GAGE1: variants seen among roughly 807,000 people sequenced by gnomAD.
GAGE1 encodes the protein G antigen 1.
GAGE1 carries 5 observed loss-of-function variants against 5.0 expected under a neutral mutation model. That is an observed-to-expected ratio of 1.00 (90% CI 0.52 to 2.11). GAGE1 has a LOEUF of 2.11. GAGE1 is among the 30% of genes most tolerant of loss of function. The pLI is 0.01. For synonymous variants in GAGE1, 6 were observed against 14.8 expected (o/e 0.40, Z 1.37); for missense variants, 9 against 38.9 (o/e 0.23, Z 2.04).
At chrX:49,605,508 C>T (rs782718561) in intron 4 of GAGE1, among the ~76,000 whole-genome samples, 6 of 112,053 alleles carry the variant, frequency 5.4e-5, no homozygotes, top group Non-Finnish European at 1.1e-4. Context: ...AAGTGTATTC[C>T]GAGATTCAAT....
chrX:49,605,251 A>C (rs1445042828), intron 4 of GAGE1: 24 of 645,418 alleles, frequency 3.7e-5, no homozygotes, highest in Non-Finnish European at 4.5e-5. Flanking sequence ...CTGTAGACAC[A>C]CATATGATAT....
Position 49,604,140 on chromosome X carries a change from A to T in GAGE1, c.331+347A>T, listed in dbSNP as rs1241760052. ...ATTGCCGGGATTACAGGCGAGAGCCACTGTGCCAGACCCAGCATTATATTT... is the reference window on the plus strand; with the variant it reads ...ATTGCCGGGATTACAGGCGAGAGCCTCTGTGCCAGACCCAGCATTATATTT... On this transcript the variant is annotated intron_variant, in intron 4 of 4. Transcript: ENST00000381700. Among the ~76,000 whole-genome samples, 3 of 112,877 alleles carry T rather than the reference A, an allele frequency of 2.7e-5. No homozygotes were observed. In the South Asian group the frequency reaches 1.1e-3, roughly 41 times the overall value.
In GAGE1 at chrX:49,606,452, C is replaced by T. The variant is rs2066660416; in HGVS notation, c.*437C>T. 1 of 111,946 alleles carries T rather than the reference C, an allele frequency of 8.9e-6. No individual in the cohort carries two copies. The highest frequency in any genetic ancestry group is 9.6e-5 in the Admixed American group (1 of 10,448). The allele number at this position is 111,946 out of a possible 1,213,427, so 9.2% of individuals were successfully genotyped here. A position where few individuals can be genotyped will look rare whatever the true frequency, so the allele number is the denominator to read the frequency against. Reference sequence around the variant, plus strand: ...TCCTGAGCGCAAGTAATCCACTCTCCTTGGCCTTTCAAAGTGTTGGGATTA... The same window carrying T: ...TCCTGAGCGCAAGTAATCCACTCTCTTTGGCCTTTCAAAGTGTTGGGATTA... On this transcript the variant is annotated 3_prime_UTR_variant, in exon 5 of 5. Transcript: ENST00000381700.
At chrX:49,602,245 A>C (rs1389589981) in intron 3 of GAGE1, among the ~76,000 whole-genome samples, 1 of 112,364 alleles carries the variant, frequency 8.9e-6, no homozygotes, top group Admixed American at 9.4e-5. Context: ...TTTTGTGCCT[A>C]GTGGCTGGTA....
At chrX:49,605,371 A>G (rs1557132008) in intron 4 of GAGE1, among the ~76,000 whole-genome samples, 1 of 112,561 alleles carries the variant, frequency 8.9e-6, no homozygotes, top group Non-Finnish European at 1.9e-5. Flanking sequence ...TGAGTAATCA[A>G]CTGAAGTATA....
intron 4 of GAGE1, among the ~76,000 whole-genome samples, 192 bp downstream of exon 4, chrX:49,603,985 C>T (rs1380656511): frequency 1.9e-4 from 21 of 112,817 alleles, no homozygotes; most frequent in African/African-American, 5.1e-4. Context: ...CTGGCGGAGC[C>T]GGGGTTACAG....
intron 4 of GAGE1, chrX:49,605,066 C>G (rs199853455): frequency 9.8e-7 from 1 of 1,020,752 alleles, no homozygotes. Flanking sequence ...CTTCTTAAAT[C>G]TTTCCCCACG....
intron 4 of GAGE1, chrX:49,605,254 T>G (rs781796215): frequency 8.1e-5 from 51 of 629,099 alleles, no homozygotes; most frequent in Non-Finnish European, 1.1e-4. Flanking sequence ...TAGACACACA[T>G]ATGATATAAT....
At chrX:49,604,012 C>T (rs1557131535) in intron 4 of GAGE1, among the ~76,000 whole-genome samples, 1 of 112,732 alleles carries the variant, frequency 8.9e-6, no homozygotes, top group Non-Finnish European at 1.9e-5. Context: ...TCCGCCGTGC[C>T]CAGCTAATTG....
intron 3 of GAGE1, among the ~76,000 whole-genome samples, chrX:49,602,686 C>G (rs1159902369): frequency 4.3e-5 from 4 of 92,308 alleles, no homozygotes; most frequent in African/African-American, 1.4e-4. Flanking sequence ...ATCGTCAGAA[C>G]AAAGAGAAAG....
intron 4 of GAGE1, chrX:49,604,852 G>A: frequency 8.6e-6 from 2 of 233,124 alleles, no homozygotes; most frequent in Non-Finnish European, 1.6e-5. Flanking sequence ...CTGTCACCCA[G>A]GGTGGAGTGC....
intron 3 of GAGE1, among the ~76,000 whole-genome samples, chrX:49,602,448 A>G (rs1684680153): frequency 1.3e-5 from 1 of 77,926 alleles, no homozygotes; most frequent in African/African-American, 3.5e-5. Flanking sequence ...AATTTGCAAG[A>G]ATAGTACAAT....
Position 49,608,126 on chromosome X carries a change from G to A in GAGE1, c.*2111G>A, listed in dbSNP as rs1486252239. Reference sequence around the variant, plus strand: ...TCTTTAAAAATTTACATATACAAAAGTGTTTGACTCAAAAGGCTTTGTTCT... The same window carrying A: ...TCTTTAAAAATTTACATATACAAAAATGTTTGACTCAAAAGGCTTTGTTCT... On this transcript the variant is annotated 3_prime_UTR_variant, in exon 5 of 5. Transcript: ENST00000381700. 3 of 112,019 alleles carry A rather than the reference G, an allele frequency of 2.7e-5. No individual in the cohort carries two copies. The highest frequency in any genetic ancestry group is 5.6e-5 in the Non-Finnish European group (3 of 53,250). 9.2% of individuals were successfully genotyped at this position (112,019 alleles called of 1,213,427 possible).
intron 4 of GAGE1, among the ~76,000 whole-genome samples, chrX:49,604,245 C>T (rs1328309235): frequency 8.9e-6 from 1 of 112,316 alleles, no homozygotes; most frequent in Admixed American, 9.4e-5. Flanking sequence ...AGTTCAGGCC[C>T]CAGCACCCGA....
intron 4 of GAGE1, among the ~76,000 whole-genome samples, chrX:49,605,570 A>G (rs1557132071): frequency 8.9e-6 from 1 of 112,045 alleles, no homozygotes; most frequent in South Asian, 3.7e-4. Flanking sequence ...TCCATTTAAT[A>G]AAACCCAAAC....
chrX:49,604,258 G>T (rs1478988068), intron 4 of GAGE1, among the ~76,000 whole-genome samples: 1 of 112,698 alleles, frequency 8.9e-6, no homozygotes, highest in Non-Finnish European at 1.9e-5. Flanking sequence ...GCACCCGAGT[G>T]ATAGACTTTC....
At chrX:49,605,049 A>G in intron 4 of GAGE1, 2 of 1,023,347 alleles carry the variant, frequency 2.0e-6, no homozygotes, top group South Asian at 1.8e-5. Flanking sequence ...CTTTTAATGA[A>G]CAATTGCTTC....
At position 49,608,005 on chromosome X, in the gene GAGE1, A is replaced by G. The variant is rs782663723; in HGVS notation, c.*1990A>G. The G allele has an allele frequency of 8.0e-5, 9 of 111,870 alleles. No individual in the cohort carries two copies. The highest frequency in any genetic ancestry group is 1.9e-4 in the Admixed American group (2 of 10,501). 9.2% of individuals were successfully genotyped at this position (111,870 alleles called of 1,213,427 possible). ...GGGGGGATTTCAATTTCTAAGCTCAAAGCCCTTGCACTTTTCTCAAAGTAA... is the reference window on the plus strand; with the variant it reads ...GGGGGGATTTCAATTTCTAAGCTCAGAGCCCTTGCACTTTTCTCAAAGTAA... On this transcript the variant is annotated 3_prime_UTR_variant, in exon 5 of 5. Coordinates refer to ENST00000381700, the MANE Select transcript of GAGE1 (RefSeq NM_001040663.4).
At chrX:49,602,647 C>T (rs1184467081) in intron 3 of GAGE1, among the ~76,000 whole-genome samples, 14 of 91,373 alleles carry the variant, frequency 1.5e-4, no homozygotes, top group African/African-American at 4.5e-4. Context: ...TATTATGGTC[C>T]TTTACCCTAT....
Sources: gnomAD v4.1 joint callset for allele counts (sites outside exome capture counted in the v4.1 genomes callset) on GRCh38, gnomAD v4.1.1 for gene constraint, MANE v1.5 for transcripts, NCBI Gene and HGNC (gene_info 2026-07-23, HGNC 2026-07-21) for gene names.